Variants in RPS6KC1 observed in about 807,000 individuals in gnomAD.
The protein encoded by RPS6KC1 is ribosomal protein S6 kinase C1, also known as inactive ribosomal protein S6 kinase delta-1.
In RPS6KC1, 54 loss-of-function variants were observed where a neutral mutation model predicts 103.8. The ratio of observed to expected loss-of-function variants is 0.52; its 90% CI spans 0.42 to 0.65. The LOEUF (loss-of-function observed/expected upper bound fraction) is 0.65. Among genes scored for constraint, RPS6KC1 ranks in the 30% least tolerant of loss-of-function variants. RPS6KC1 has a pLI of 0.00. For synonymous variants in RPS6KC1, 439 were observed against 438.7 expected (o/e 1.00, Z -0.01); for missense variants, 1,151 against 1,253.8 (o/e 0.92, Z 1.24).
the RPS6KC1 span, among the ~76,000 whole-genome samples, chr1:213,657,714 G>A: frequency 6.6e-6 from 1 of 152,102 alleles, no homozygotes. Flanking sequence ...CAAACTTTTG[G>A]GGGAAAAACA....
At chr1:213,115,759 G>A (rs1012361688) in intron 4 of RPS6KC1, among the ~76,000 whole-genome samples, 1 of 152,128 alleles carries the variant, frequency 6.6e-6, no homozygotes, top group Non-Finnish European at 1.5e-5. Context: ...TTGTGTCTTT[G>A]TTCTTGTTGG....
intron 12 of RPS6KC1, among the ~76,000 whole-genome samples, chr1:213,250,938 T>C (rs2094534239): frequency 6.6e-6 from 1 of 152,082 alleles, no homozygotes; most frequent in South Asian, 2.1e-4. Flanking sequence ...TATTTGTAAT[T>C]GATACAAATG....
chr1:213,712,396 A>G, the RPS6KC1 span, among the ~76,000 whole-genome samples: 1 of 152,212 alleles, frequency 6.6e-6, no homozygotes, highest in East Asian at 1.9e-4. Context: ...GGTCAACTTC[A>G]GACTGCTGTG....
At chr1:213,165,334 G>A (rs1442114930) in intron 6 of RPS6KC1, among the ~76,000 whole-genome samples, 3 of 151,872 alleles carry the variant, frequency 2.0e-5, no homozygotes, top group Non-Finnish European at 4.4e-5. Flanking sequence ...GGGTTCAAAT[G>A]ATTCTCCTGC....
At chr1:213,509,792 C>T in the RPS6KC1 span, among the ~76,000 whole-genome samples, 5 of 152,212 alleles carry the variant, frequency 3.3e-5, no homozygotes, top group African/African-American at 1.2e-4. Flanking sequence ...AAATAATTTT[C>T]GTGTGTTAGA....
At chr1:213,742,242 G>T in the RPS6KC1 span, among the ~76,000 whole-genome samples, 2 of 152,202 alleles carry the variant, frequency 1.3e-5, no homozygotes, top group African/African-American at 4.8e-5. Context: ...TTCTGATTCT[G>T]GTGGGTATAA....
chr1:213,792,212 AG>A, the RPS6KC1 span, among the ~76,000 whole-genome samples: 1 of 152,204 alleles, frequency 6.6e-6, no homozygotes, highest in East Asian at 1.9e-4. Context: ...CCAAAACTCC[AG>A]GGTATGTAAC....
chr1:213,459,040 C>T, the RPS6KC1 span, among the ~76,000 whole-genome samples: 1 of 152,168 alleles, frequency 6.6e-6, no homozygotes, highest in African/African-American at 2.4e-5. Flanking sequence ...CATCGATGTT[C>T]ATCATGGATA....
At chr1:213,216,750 A>G (rs1483465964) in intron 8 of RPS6KC1, among the ~76,000 whole-genome samples, 1 of 152,242 alleles carries the variant, frequency 6.6e-6, no homozygotes, top group Non-Finnish European at 1.5e-5. Context: ...TGGAAACTGA[A>G]CAACCTGCTC....
At chr1:213,629,683 G>A in the RPS6KC1 span, among the ~76,000 whole-genome samples, 9,090 of 152,100 alleles carry the variant, frequency 0.06, 586 homozygotes, top group East Asian at 0.29. Context: ...TAGCCTCGAC[G>A]GTCTTTACAA....
intron 6 of RPS6KC1, among the ~76,000 whole-genome samples, chr1:213,158,985 T>C (rs1558445131): frequency 6.6e-6 from 1 of 152,174 alleles, no homozygotes; most frequent in Non-Finnish European, 1.5e-5. Flanking sequence ...TAATAATGGT[T>C]ATGATGATCT....
the RPS6KC1 span, among the ~76,000 whole-genome samples, chr1:213,309,156 G>A: frequency 4.6e-5 from 7 of 152,096 alleles, no homozygotes; most frequent in Non-Finnish European, 7.4e-5. Context: ...TTAGCCGGGC[G>A]TGGTGGCACA....
At chr1:213,443,732 A>G in the RPS6KC1 span, among the ~76,000 whole-genome samples, 1 of 152,074 alleles carries the variant, frequency 6.6e-6, no homozygotes. Flanking sequence ...CCTGGGCAAC[A>G]TGGCGAAACC....
the RPS6KC1 span, among the ~76,000 whole-genome samples, chr1:213,783,333 G>A: frequency 6.6e-6 from 1 of 152,156 alleles, no homozygotes; most frequent in Non-Finnish European, 1.5e-5. Context: ...CCTAAGCTGC[G>A]TCCTTCCTTT....
the RPS6KC1 span, among the ~76,000 whole-genome samples, chr1:213,392,818 A>T: frequency 2.0e-5 from 3 of 152,214 alleles, no homozygotes; most frequent in Admixed American, 2.0e-4. Flanking sequence ...CTGGAGGAAA[A>T]TTCAGGAATT....
the RPS6KC1 span, among the ~76,000 whole-genome samples, chr1:213,355,661 A>G: frequency 3.3e-5 from 5 of 152,364 alleles, no homozygotes; most frequent in Non-Finnish European, 7.3e-5. Context: ...CAGAACACAC[A>G]AAGTATTAGC....
chr1:213,688,594 C>T, the RPS6KC1 span, among the ~76,000 whole-genome samples: 144 of 152,292 alleles, frequency 9.5e-4, no homozygotes, highest in African/African-American at 3.4e-3. Context: ...TAAAAGTTGC[C>T]TCACTGTGAT....
chr1:213,774,986 G>A, the RPS6KC1 span, among the ~76,000 whole-genome samples: 14 of 152,182 alleles, frequency 9.2e-5, no homozygotes, highest in Non-Finnish European at 2.1e-4. Context: ...GGAGGGCCAG[G>A]GGAGGAAAGG....
chr1:213,102,714 C>T (rs1408467809), intron 3 of RPS6KC1, among the ~76,000 whole-genome samples: 2 of 152,124 alleles, frequency 1.3e-5, no homozygotes, highest in Non-Finnish European at 2.9e-5. Flanking sequence ...TAGGAATCCT[C>T]TAATTGACTG....
Sources: gnomAD v4.1 joint callset for allele counts (sites outside exome capture counted in the v4.1 genomes callset) on GRCh38, gnomAD v4.1.1 for gene constraint, MANE v1.5 for transcripts, NCBI Gene and HGNC (gene_info 2026-07-23, HGNC 2026-07-21) for gene names.